CD163L1: variants seen among roughly 807,000 people sequenced by gnomAD.
The protein encoded by CD163L1 is scavenger receptor cysteine-rich type 1 protein M160.
CD163L1 carries 124 observed loss-of-function variants against 165.4 expected under a neutral mutation model. The observed-to-expected ratio is 0.75, with a 90% CI of 0.65 to 0.87. CD163L1 has a LOEUF of 0.87. Among genes scored for constraint, CD163L1 ranks in the 40% least tolerant of loss-of-function variants. CD163L1 has a pLI of 0.00. For synonymous variants in CD163L1, 585 were observed against 662.2 expected (o/e 0.88, Z 1.79); for missense variants, 1,525 against 1,799.9 (o/e 0.85, Z 2.76).
At position 7,369,630 on chromosome 12, in the gene CD163L1, A is replaced by G. The variant is rs1287950678; in HGVS notation, c.3766T>C (p.Ser1256Pro). 6.2e-7 allele frequency: 1 copy of G among 1,614,152 alleles called. No individual in the cohort carries two copies. The highest frequency in any genetic ancestry group is 8.5e-7 in the Non-Finnish European group (1 of 1,180,012). ...GCGTGCCAGATCTCCACTCTCCCAG[A>G]GCACTCGGTGTCTCCTCCACGCACT... ...IRVRGGDTEC[S>P]GRVEIWHAGS... The change falls in exon 15 of 20, where the codon TCT (serine) becomes CCT (proline). Residue 1256 changes from serine to proline, a missense_variant. By Grantham distance (74) the Ser-to-Pro change is moderately conservative. Coordinates refer to ENST00000313599, the MANE Select transcript of CD163L1 (RefSeq NM_174941.6). The surrounding 1 kb of genome is among the most constrained non-coding windows in gnomAD (Gnocchi z 4.9).
chr12:7,365,342 G>C (rs1177419267), intron 18 of CD163L1, among the ~76,000 whole-genome samples: 1 of 152,074 alleles, frequency 6.6e-6, no homozygotes, highest in African/African-American at 2.4e-5. Flanking sequence ...AACACTCCAG[G>C]ATATTGGTCT....
rs547056641 is a variant in CD163L1 at position 7,404,278 on chromosome 12, AC to A, written c.1088-424del. 1.3e-3 allele frequency among the ~76,000 whole-genome samples: 203 copies of A among 152,328 alleles called. 1 individual carries two copies. The highest frequency in any genetic ancestry group is 0.01 in the Middle Eastern group (3 of 294). On this transcript the variant is annotated intron_variant, in intron 5 of 19. Transcript: ENST00000313599. Reference sequence around the variant, plus strand: ...GTAAAATAAAATAGTGTTGGGAAATACTTGCATTTCAGTAACTTCAGAAAGA... The same window carrying A: ...GTAAAATAAAATAGTGTTGGGAAATATTGCATTTCAGTAACTTCAGAAAGA...
chr12:7,395,813 C>T (rs367676206), intron 8 of CD163L1, among the ~76,000 whole-genome samples: 1 of 152,112 alleles, frequency 6.6e-6, no homozygotes, highest in East Asian at 1.9e-4. Context: ...AACTATTTGA[C>T]TATGGATAAT....
intron 2 of CD163L1, chr12:7,439,386 C>T: frequency 6.2e-7 from 1 of 1,600,450 alleles, no homozygotes; most frequent in Non-Finnish European, 8.5e-7. Flanking sequence ...TTCAGAAATT[C>T]TTTTCTTTGT....
At position 7,396,207 on chromosome 12, in the gene CD163L1, C is replaced by T. The variant is rs377620644; in HGVS notation, c.1938G>A (p.Trp646Ter). 1.9e-6 allele frequency: 3 copies of T among 1,614,044 alleles called. No individual in the cohort carries two copies. The African/African-American group carries it at 4.0e-5, about 22-fold the overall frequency. ...GNASTGYGKIWLDDVSCDGDE... is the reference protein window; with the variant it reads ...GNASTGYGKI The stretch of plus-strand genomic sequence containing the variant: ...CTCCATCACAGGAAACATCATCGAG[C>T]CAAATTTTTCCATATCCTGTAGAAG... The change falls in exon 8 of 20, where the codon TGG becomes TGA. Residue 646 changes from tryptophan to a stop codon, truncating the protein, a stop_gained. Coordinates refer to ENST00000313599, the MANE Select transcript of CD163L1 (RefSeq NM_174941.6). LOFTEE classifies it high-confidence loss of function.
chr12:7,323,136 G>T, the CD163L1 span: 1 of 1,202,700 alleles, frequency 8.3e-7, no homozygotes, highest in African/African-American at 1.5e-5. Flanking sequence ...CTGCATACCA[G>T]GAAAATCAGT....
downstream of CD163L1, among the ~76,000 whole-genome samples, chr12:7,344,028 G>A (rs1301268325): frequency 2.0e-5 from 3 of 151,936 alleles, no homozygotes; most frequent in Non-Finnish European, 4.4e-5. Context: ...AAAGAAAGGA[G>A]CAACAGGCCC....
intron 3 of CD163L1, 40 bp downstream of exon 3, chr12:7,433,334 T>G (rs770216968): frequency 1.3e-6 from 2 of 1,522,614 alleles, no homozygotes; most frequent in Non-Finnish European, 1.8e-6. Context: ...TTCCTGAGGG[T>G]AGGTCTTACC....
chr12:7,391,004 T>A (rs771756893), intron 8 of CD163L1, among the ~76,000 whole-genome samples: 1 of 152,284 alleles, frequency 6.6e-6, no homozygotes, highest in East Asian at 1.9e-4. Context: ...CAGCTCCCAG[T>A]GTGATCAACG....
downstream of CD163L1, among the ~76,000 whole-genome samples, chr12:7,342,513 C>A (rs1324316179): frequency 5.9e-5 from 9 of 152,174 alleles, no homozygotes; most frequent in African/African-American, 2.2e-4. Flanking sequence ...GGCTGTGAGA[C>A]CCCTGATTTC....
chr12:7,438,673 C>G, intron 2 of CD163L1: 1 of 568,776 alleles, frequency 1.8e-6, no homozygotes, highest in South Asian at 3.4e-5. Context: ...TATGACCGCC[C>G]ATGGTCATAA....
At chr12:7,323,187 A>C in the CD163L1 span, 1 of 1,504,516 alleles carries the variant, frequency 6.6e-7, no homozygotes, top group Middle Eastern at 1.7e-4. Flanking sequence ...ATATAGTTTC[A>C]GAATATAAAC....
intron 2 of CD163L1, among the ~76,000 whole-genome samples, chr12:7,437,069 A>G (rs1229372154): frequency 6.7e-6 from 1 of 149,430 alleles, no homozygotes; most frequent in African/African-American, 2.4e-5. Context: ...ACAAATTGGT[A>G]TTTTAAACAA....
the CD163L1 span, among the ~76,000 whole-genome samples, chr12:7,333,127 G>C: frequency 6.6e-6 from 1 of 152,116 alleles, no homozygotes; most frequent in Non-Finnish European, 1.5e-5. Context: ...ACTCAGCTCT[G>C]CACCAAGCGG....
chr12:7,364,552 C>T (rs1946973318), intron 18 of CD163L1, among the ~76,000 whole-genome samples: 1 of 152,026 alleles, frequency 6.6e-6, no homozygotes, highest in African/African-American at 2.4e-5. Context: ...AAAGACTCCA[C>T]CAGAAAACTG....
intron 5 of CD163L1, among the ~76,000 whole-genome samples, chr12:7,405,412 T>C (rs117596714): frequency 0.022 from 3,406 of 152,240 alleles, 52 homozygotes; most frequent in Non-Finnish European, 0.034. Context: ...AAATATACTA[T>C]GGGAAACTCT....
intron 4 of CD163L1, among the ~76,000 whole-genome samples, chr12:7,419,275 G>C (rs182871555): frequency 1.3e-5 from 2 of 151,978 alleles, no homozygotes; most frequent in East Asian, 3.9e-4. Context: ...ATGATCAACA[G>C]ATGCAGAAAA....
In CD163L1 at chr12:7,372,843, A is replaced by G. The variant is rs917204767; in HGVS notation, c.3730+477T>C. Among the ~76,000 whole-genome samples, 7 of 152,082 alleles carry G rather than the reference A, an allele frequency of 4.6e-5. No homozygotes were observed. The highest frequency in any genetic ancestry group is 1.7e-4 in the African/African-American group (7 of 41,430). On this transcript the variant is annotated intron_variant, in intron 14 of 19. Transcript: ENST00000313599. This position sits in a 1 kb window ranked among gnomAD's most constrained non-coding sequence, Gnocchi z 4.2. ...AATTTCTAAAATCTCTACAATAAACATATTAAATTTTAATCAAATAAGACA... is the reference window on the plus strand; with the variant it reads ...AATTTCTAAAATCTCTACAATAAACGTATTAAATTTTAATCAAATAAGACA...
Position 7,374,028 on chromosome 12 carries a change from T to G in CD163L1, c.3410-388A>C, listed in dbSNP as rs1351777499. 6.6e-6 allele frequency among the ~76,000 whole-genome samples: 1 copy of G among 152,200 alleles called. No homozygotes were observed. The highest frequency in any genetic ancestry group is 1.5e-5 in the Non-Finnish European group (1 of 68,036). ...TTCTGGTCAGGTTAGTAAAGACCCTTCCTCATCCCTCTTTCCTCTTACCAC... is the reference window on the plus strand; with the variant it reads ...TTCTGGTCAGGTTAGTAAAGACCCTGCCTCATCCCTCTTTCCTCTTACCAC... On this transcript the variant is annotated intron_variant, in intron 13 of 19. Coordinates refer to ENST00000313599, the MANE Select transcript of CD163L1 (RefSeq NM_174941.6). The surrounding 1 kb of genome is among the most constrained non-coding windows in gnomAD (Gnocchi z 5.4).
Sources: gnomAD v4.1 joint callset for allele counts (sites outside exome capture counted in the v4.1 genomes callset) on GRCh38, gnomAD v4.1.1 for gene constraint, Gnocchi (gnomAD v3.1) non-coding constraint, MANE v1.5 for transcripts, NCBI Gene and HGNC (gene_info 2026-07-23, HGNC 2026-07-21) for gene names.